The following ATG5 variants were observed in gnomAD, a reference collection of about 807,000 sequenced individuals.
ATG5 encodes the protein autophagy related 5, also known as autophagy protein 5.
ATG5 carries 14 observed loss-of-function variants against 36.5 expected under a neutral mutation model. The ratio of observed to expected loss-of-function variants is 0.38; its 90% CI spans 0.25 to 0.60. The LOEUF is 0.60. ATG5 is among the 20% of genes least tolerant of loss of function. ATG5 has a pLI of 0.60. For missense variants in ATG5, 195 were observed against 326.7 expected (o/e 0.60, Z 3.11); for synonymous variants, 95 against 101.5 (o/e 0.94, Z 0.38).
rs191384431 is a variant in ATG5, at chr6:106,204,778, C to A, written c.574-2689G>T. On this transcript the variant is annotated intron_variant, in intron 6 of 7. Transcript: ENST00000369076. ...TTTCCTGAGGCCCCCACAAGCCATA[C>A]GGAACTGTGAGTCAATTAAACCTTT... Among the ~76,000 whole-genome samples the A allele has an allele frequency of 8.5e-5, 13 of 152,282 alleles. No individual in the cohort carries two copies. The East Asian group carries it at 2.1e-3, about 25-fold the overall frequency.
chr6:106,204,014 G>T (rs895103686), intron 6 of ATG5, among the ~76,000 whole-genome samples: 4 of 152,102 alleles, frequency 2.6e-5, no homozygotes, highest in African/African-American at 9.7e-5. Flanking sequence ...ACTCACAACT[G>T]GGAGCTGAAC....
rs565527905 is a variant in ATG5 at position 106,297,779 on chromosome 6, A to G, written c.237-4673T>C. On this transcript the variant is annotated intron_variant, in intron 3 of 7. Transcript: ENST00000369076. ...ACACACACACACATATATATTTTAA[A>G]GTTCATTGGGGCTGGGCATGGTGGC... 2.9e-4 allele frequency among the ~76,000 whole-genome samples: 43 copies of G among 148,172 alleles called. No individual in the cohort carries two copies. The East Asian group carries it at 5.4e-3, about 19-fold the overall frequency.
intron 1 of ATG5, among the ~76,000 whole-genome samples, chr6:106,319,066 C>CAAGT (rs1342353626): frequency 6.6e-6 from 1 of 152,176 alleles, no homozygotes; most frequent in African/African-American, 2.4e-5. Context: ...AGTGTAACCT[C>CAAGT]AAGTAAGTCA....
chr6:106,295,205 A>G (rs2114635711), intron 3 of ATG5, among the ~76,000 whole-genome samples: 2 of 152,194 alleles, frequency 1.3e-5, no homozygotes, highest in East Asian at 3.8e-4. Context: ...AGACCTTTTA[A>G]CGTCTTCAAT....
At chr6:106,281,287 C>T (rs1779868028) in intron 4 of ATG5, among the ~76,000 whole-genome samples, 1 of 152,122 alleles carries the variant, frequency 6.6e-6, no homozygotes, top group Non-Finnish European at 1.5e-5. Flanking sequence ...TAACTGTCAG[C>T]CCAAGTATAC....
At position 106,258,274 on chromosome 6, in the gene ATG5, T is replaced by C. The variant is rs539594079; in HGVS notation, c.479-10030A>G. The stretch of plus-strand genomic sequence containing the variant: ...GTACCAGCTACTTGGGAGACTGATA[T>C]GGGAAGACTGATTGCCTGAACCCAG... On this transcript the variant is annotated intron_variant, in intron 5 of 7. Transcript: ENST00000369076. Among the ~76,000 whole-genome samples, 7 of 151,512 alleles carry C rather than the reference T, an allele frequency of 4.6e-5. No individual in the cohort carries two copies. The South Asian group carries it at 6.3e-4, about 14-fold the overall frequency.
chr6:106,230,741 GA>G lies in ATG5; in HGVS notation c.573+17408del, dbSNP rs564379154. The stretch of plus-strand genomic sequence containing the variant: ...GACCAATTTGACTCTCAGATGCTAA[GA>G]AAAAAAAGACATATTCTTCTGCAGT... On this transcript the variant is annotated intron_variant, in intron 6 of 7. Transcript: ENST00000369076. Among the ~76,000 whole-genome samples the G allele has an allele frequency of 3.4e-3, 520 of 151,616 alleles. 2 individuals are homozygous for G. Among genetic ancestry groups the G allele is most frequent in the Non-Finnish European group, 5.4e-3 (368 of 67,834 alleles).
chr6:106,271,056 A>G (rs1037543836), intron 5 of ATG5, among the ~76,000 whole-genome samples: 3 of 152,184 alleles, frequency 2.0e-5, no homozygotes, highest in South Asian at 2.1e-4. Context: ...AACAGCTCTT[A>G]TATCATATTC....
At chr6:106,292,979 T>G (rs1562259951) in intron 4 of ATG5, 49 bp downstream of exon 4, 1 of 1,450,606 alleles carries the variant, frequency 6.9e-7, no homozygotes, top group African/African-American at 1.4e-5. Context: ...TCGAAGTCTA[T>G]TTATTATGTA....
chr6:106,279,058 G>A (rs1457138895), intron 5 of ATG5, among the ~76,000 whole-genome samples: 2 of 152,196 alleles, frequency 1.3e-5, no homozygotes, highest in African/African-American at 4.8e-5. Context: ...ACCATGGAAA[G>A]GGAGGACTAT....
Position 106,201,978 on chromosome 6 carries a change from G to T in ATG5, c.685C>A (p.Pro229Thr). 6.2e-7 allele frequency: 1 copy of T among 1,605,170 alleles called. No individual in the cohort carries two copies. Among genetic ancestry groups the T allele is most frequent in the Non-Finnish European group, 8.5e-7 (1 of 1,173,172 alleles). ...ATGTTGCTGATTGTATTACCTTCAG[G>T]ATCAATAGCAGAAGGACAAACTTCT... is the stretch of plus-strand genomic sequence containing the variant. ...LKEVCPSAIDPEDGEKKNQVM... is the reference protein window; with the variant it reads ...LKEVCPSAIDTEDGEKKNQVM... The change falls in exon 7 of 8, where the codon CCT (proline) becomes ACT (threonine). Residue 229 changes from proline (P) to threonine (T), a missense_variant. Transcript: ENST00000369076.
intron 5 of ATG5, among the ~76,000 whole-genome samples, chr6:106,259,651 T>C (rs928411121): frequency 8.5e-5 from 13 of 152,218 alleles, no homozygotes; most frequent in African/African-American, 2.9e-4. Flanking sequence ...TAGACAAATA[T>C]TAATCCTTTT....
chr6:106,252,716 T>C (rs2787530), intron 5 of ATG5, among the ~76,000 whole-genome samples: 12,858 of 152,044 alleles, frequency 0.085, 572 homozygotes, highest in South Asian at 0.13. Context: ...AGTGTAGGGA[T>C]TGCTACTCAG....
intron 6 of ATG5, among the ~76,000 whole-genome samples, chr6:106,234,256 C>T (rs1471810888): frequency 2.0e-5 from 3 of 152,158 alleles, no homozygotes; most frequent in African/African-American, 7.2e-5. Context: ...CCCATACTTG[C>T]CTGGTAAGCC....
intron 3 of ATG5, among the ~76,000 whole-genome samples, chr6:106,303,634 T>C (rs1770301440): frequency 6.6e-6 from 1 of 152,046 alleles, no homozygotes; most frequent in Non-Finnish European, 1.5e-5. Flanking sequence ...CTTATGAACA[T>C]AAGACACAAA....
At chr6:106,192,942 T>C (rs1012983188) in intron 7 of ATG5, among the ~76,000 whole-genome samples, 6 of 152,190 alleles carry the variant, frequency 3.9e-5, no homozygotes, top group Non-Finnish European at 7.3e-5. Flanking sequence ...GCATACATCA[T>C]GCTGAAGGAT....
intron 5 of ATG5, among the ~76,000 whole-genome samples, chr6:106,262,901 A>T (rs1350795929): frequency 6.6e-6 from 1 of 152,232 alleles, no homozygotes; most frequent in East Asian, 1.9e-4. Flanking sequence ...CTGGGTTTCA[A>T]GCACAAAACT....
At chr6:106,238,139 T>C (rs1777969103) in intron 6 of ATG5, among the ~76,000 whole-genome samples, 1 of 152,230 alleles carries the variant, frequency 6.6e-6, no homozygotes, top group African/African-American at 2.4e-5. Context: ...TGTCTTTACA[T>C]ATGAGATACA....
At chr6:106,295,752 T>C (rs1769899920) in intron 3 of ATG5, among the ~76,000 whole-genome samples, 1 of 152,018 alleles carries the variant, frequency 6.6e-6, no homozygotes, top group Non-Finnish European at 1.5e-5. Context: ...TTTATAGAGA[T>C]AGTGTCCAAC....
Sources: allele counts gnomAD v4.1 joint callset (sites outside exome capture counted in the v4.1 genomes callset), GRCh38; gene constraint gnomAD v4.1.1; transcripts MANE v1.5; gene names NCBI Gene and HGNC (gene_info 2026-07-23, HGNC 2026-07-21).